Variants in SYAP1 observed in about 807,000 individuals in gnomAD.
SYAP1 encodes synapse-associated protein 1.
A neutral mutation model predicts 29.6 loss-of-function variants in SYAP1; 3 were observed. The observed-to-expected ratio is 0.10, with a 90% CI of 0.05 to 0.26. The LOEUF is 0.26. SYAP1 is among the 10% of genes least tolerant of loss of function. The pLI is 1.00. For synonymous variants in SYAP1, 102 were observed against 102.7 expected, an observed-to-expected ratio of 0.99 and a Z score of 0.04; for missense variants, 217 against 264.1, an observed-to-expected ratio of 0.82 and a Z score of 1.24.
intron 5 of SYAP1, among the ~76,000 whole-genome samples, chrX:16,746,904 G>A (rs939100337): frequency 8.2e-5 from 7 of 85,258 alleles, no homozygotes; most frequent in Admixed American, 4.8e-4. Context: ...TTTTTTAAAT[G>A]TACCATCTAA....
intron 6 of SYAP1, among the ~76,000 whole-genome samples, chrX:16,755,645 C>A (rs1483332455): frequency 1.8e-5 from 2 of 111,006 alleles, no homozygotes; most frequent in African/African-American, 6.6e-5. Flanking sequence ...AAGCTCCATT[C>A]CACTCCCAAG....
intron 8 of SYAP1, among the ~76,000 whole-genome samples, chrX:16,759,573 GC>G (rs1224956868): frequency 9.0e-6 from 1 of 111,284 alleles, no homozygotes; most frequent in Admixed American, 9.7e-5. Flanking sequence ...GAGAGTCCAG[GC>G]TGACTTCAGA....
At chrX:16,751,408 C>T (rs1211502771) in intron 5 of SYAP1, among the ~76,000 whole-genome samples, 5 of 100,204 alleles carry the variant, frequency 5.0e-5, no homozygotes, top group Admixed American at 1.1e-4. Flanking sequence ...GCCAAGATCA[C>T]GCTATTGCAC....
At chrX:16,733,425 T>C (rs1337751636) in intron 1 of SYAP1, among the ~76,000 whole-genome samples, 2 of 111,556 alleles carry the variant, frequency 1.8e-5, no homozygotes, top group Non-Finnish European at 3.8e-5. Context: ...GGATGGAATC[T>C]GTTGTGCAGA....
At chrX:16,759,675 A>G (rs1926938780) in intron 8 of SYAP1, among the ~76,000 whole-genome samples, 2 of 111,713 alleles carry the variant, frequency 1.8e-5, no homozygotes, top group Admixed American at 9.6e-5. Context: ...TTCCATCCTT[A>G]TATCTGTCGC....
At position 16,738,987 on chromosome X, in the gene SYAP1, C is replaced by G. The variant is rs181591975; in HGVS notation, c.362-2729C>G. 1.7e-3 allele frequency among the ~76,000 whole-genome samples: 193 copies of G among 111,258 alleles called. 1 individual carries two copies. Among genetic ancestry groups the G allele is most frequent in the African/African-American group, 6.0e-3 (184 of 30,651 alleles). On this transcript the variant is annotated intron_variant, in intron 3 of 8. Transcript: ENST00000380155. ...GGAGAACCAAGAGGTTTTGGTCACT[C>G]TAAAAAGAATAATTTCAGGAACTCG...
chrX:16,744,901 C>T (rs1926562263), intron 5 of SYAP1, among the ~76,000 whole-genome samples: 1 of 111,997 alleles, frequency 8.9e-6, no homozygotes, highest in Non-Finnish European at 1.9e-5. Context: ...GGGAGGTCGA[C>T]GCTGCAGTGA....
intron 1 of SYAP1, among the ~76,000 whole-genome samples, chrX:16,727,219 C>A (rs1039431043): frequency 5.7e-5 from 6 of 104,464 alleles, no homozygotes; most frequent in Admixed American, 5.3e-4. Context: ...GTATAAAGTG[C>A]AGCAAGAAAA....
At chrX:16,727,545 G>A (rs913862438) in intron 1 of SYAP1, among the ~76,000 whole-genome samples, 9 of 111,875 alleles carry the variant, frequency 8.0e-5, no homozygotes, top group African/African-American at 9.7e-5. Flanking sequence ...GTTTCTCCAT[G>A]TTGGTCAGGC....
chrX:16,743,929 C>CT (rs1273536326), intron 5 of SYAP1, 89 bp downstream of exon 5: 1 of 1,034,982 alleles, frequency 9.7e-7, no homozygotes, highest in Non-Finnish European at 1.3e-6. Flanking sequence ...AAAAGGGTCT[C>CT]TATCTGTTCA....
At chrX:16,728,521 T>C (rs1266764108) in intron 1 of SYAP1, among the ~76,000 whole-genome samples, 2 of 109,413 alleles carry the variant, frequency 1.8e-5, no homozygotes, top group African/African-American at 6.7e-5. Flanking sequence ...CAAACAAAAT[T>C]AGGCATGATG....
intron 5 of SYAP1, among the ~76,000 whole-genome samples, chrX:16,751,708 C>A (rs1265948374): frequency 1.2e-4 from 11 of 89,917 alleles, no homozygotes; most frequent in Non-Finnish European, 2.4e-4. Context: ...TACGGAGTTT[C>A]GCTATTGTTG....
intron 4 of SYAP1, among the ~76,000 whole-genome samples, chrX:16,742,204 C>T (rs1255183412): frequency 4.5e-5 from 4 of 89,054 alleles, no homozygotes; most frequent in African/African-American, 1.8e-4. Context: ...CAGCCTGGAG[C>T]GCAGTGGCAC....
intron 3 of SYAP1, among the ~76,000 whole-genome samples, chrX:16,738,164 G>A (rs935111408): frequency 2.7e-5 from 3 of 111,587 alleles, no homozygotes; most frequent in Admixed American, 9.6e-5. Flanking sequence ...CCTGTAATCC[G>A]AGCACTTTGG....
chrX:16,757,394 C>T, intron 8 of SYAP1, 85 bp downstream of exon 8: 2 of 1,019,588 alleles, frequency 2.0e-6, no homozygotes, highest in South Asian at 2.4e-5. Flanking sequence ...ATTCTGAAGC[C>T]AGTGCACAAA....
intron 5 of SYAP1, among the ~76,000 whole-genome samples, chrX:16,748,595 T>G (rs182239411): frequency 3.6e-5 from 4 of 111,934 alleles, no homozygotes; most frequent in Admixed American, 1.9e-4. Context: ...CTGATGACAG[T>G]AGGGAAATCA....
chrX:16,733,905 G>A (rs1014480934), intron 1 of SYAP1, among the ~76,000 whole-genome samples: 2 of 109,874 alleles, frequency 1.8e-5, no homozygotes, highest in Non-Finnish European at 3.8e-5. Flanking sequence ...TGATCTGCCC[G>A]CCTCGGCCTC....
At chrX:16,723,766 A>C (rs1229884723) in intron 1 of SYAP1, among the ~76,000 whole-genome samples, 1 of 111,978 alleles carries the variant, frequency 8.9e-6, no homozygotes, top group Non-Finnish European at 1.9e-5. Context: ...GTTTACTTTA[A>C]CAAATTTATG....
At position 16,719,884 on chromosome X, in the gene SYAP1, G is replaced by C. The variant is rs1293679360; in HGVS notation, c.160G>C (p.Ala54Pro). ...QAGDQELLHQAKDFGNYLFNF... is the reference protein window; with the variant it reads ...QAGDQELLHQPKDFGNYLFNF... ...GGGAGACCAGGAGCTCCTCCACCAG[G>C]CCAAAGACTTCGGCAGTGAGTCTAC... is the stretch of plus-strand genomic sequence containing the variant. Residue 54 changes from alanine (A) to proline (P), a missense_variant, in exon 1 of 9, where the codon GCC (alanine) becomes CCC (proline). By Grantham distance (27) the Ala-to-Pro change is conservative. Transcript: ENST00000380155. 8.4e-7 allele frequency: 1 copy of C among 1,188,069 alleles called. No homozygotes were observed.
Sources: allele counts gnomAD v4.1 joint callset (sites outside exome capture counted in the v4.1 genomes callset), GRCh38; gene constraint gnomAD v4.1.1; transcripts MANE v1.5; gene names NCBI Gene and HGNC (gene_info 2026-07-23, HGNC 2026-07-21).